The following PABPC4L variants were observed in gnomAD, a reference collection of about 807,000 sequenced individuals.
PABPC4L encodes the protein polyadenylate-binding protein 4-like.
For missense variants in PABPC4L, 452 were observed against 451.4 expected, an observed-to-expected ratio of 1.00 and a Z score of -0.01; for synonymous variants, 169 against 164.1, an observed-to-expected ratio of 1.03 and a Z score of -0.23.
the PABPC4L span, among the ~76,000 whole-genome samples, chr4:134,156,893 A>T: frequency 6.6e-6 from 1 of 151,926 alleles, no homozygotes; most frequent in South Asian, 2.1e-4. Flanking sequence ...TGGTCCACTA[A>T]TGTAAAACAG....
the PABPC4L span, among the ~76,000 whole-genome samples, chr4:133,986,431 AG>A: frequency 6.6e-6 from 1 of 152,118 alleles, no homozygotes; most frequent in Non-Finnish European, 1.5e-5. Context: ...TTTGGAATTC[AG>A]GACATAAAAA....
the PABPC4L span, among the ~76,000 whole-genome samples, chr4:134,043,881 C>T: frequency 2.6e-5 from 4 of 151,534 alleles, no homozygotes; most frequent in African/African-American, 9.7e-5. Context: ...ATTGATAGTT[C>T]TACCCATATA....
At chr4:134,012,978 G>A in the PABPC4L span, among the ~76,000 whole-genome samples, 1 of 152,082 alleles carries the variant, frequency 6.6e-6, no homozygotes, top group Non-Finnish European at 1.5e-5. Context: ...TTCTCTTGGT[G>A]TTTAATCATT....
At chr4:134,015,026 C>A in the PABPC4L span, among the ~76,000 whole-genome samples, 1 of 152,160 alleles carries the variant, frequency 6.6e-6, no homozygotes, top group South Asian at 2.1e-4. Context: ...GCCTCCTTTG[C>A]ATCCTCCTCT....
chr4:134,043,175 T>C, the PABPC4L span, among the ~76,000 whole-genome samples: 1 of 112,530 alleles, frequency 8.9e-6, no homozygotes, highest in Admixed American at 8.2e-5. Context: ...ACACACCATA[T>C]ACAGCACAAT....
chr4:134,159,859 T>C, the PABPC4L span, among the ~76,000 whole-genome samples: 1 of 152,122 alleles, frequency 6.6e-6, no homozygotes, highest in Admixed American at 6.6e-5. Flanking sequence ...GATGAGCAGC[T>C]CACAGGCAGC....
At chr4:134,042,089 A>G in the PABPC4L span, among the ~76,000 whole-genome samples, 1 of 152,200 alleles carries the variant, frequency 6.6e-6, no homozygotes, top group Non-Finnish European at 1.5e-5. Context: ...ATATAATGAA[A>G]TATTACTGAG....
At chr4:134,040,213 A>T in the PABPC4L span, among the ~76,000 whole-genome samples, 2 of 151,474 alleles carry the variant, frequency 1.3e-5, no homozygotes, top group Admixed American at 1.3e-4. Context: ...TGGAAAAAAA[A>T]AAAAAAAAAC....
At chr4:134,147,591 G>T in the PABPC4L span, among the ~76,000 whole-genome samples, 5 of 151,980 alleles carry the variant, frequency 3.3e-5, no homozygotes, top group Admixed American at 3.3e-4. Context: ...TGAACTAAAA[G>T]AAAGACAAGT....
chr4:134,000,919 G>A, the PABPC4L span, among the ~76,000 whole-genome samples: 1 of 152,052 alleles, frequency 6.6e-6, no homozygotes, highest in Non-Finnish European at 1.5e-5. Context: ...CTTTCTGATG[G>A]CAGATTTTGA....
At chr4:134,071,953 T>G in the PABPC4L span, among the ~76,000 whole-genome samples, 1 of 152,246 alleles carries the variant, frequency 6.6e-6, no homozygotes. Flanking sequence ...GTTGTATAGA[T>G]AAGAATGTTG....
chr4:134,051,906 T>C, the PABPC4L span, among the ~76,000 whole-genome samples: 4 of 152,102 alleles, frequency 2.6e-5, no homozygotes, highest in Admixed American at 2.0e-4. Context: ...ACTGAGCCAA[T>C]AAAAATAGGT....
chr4:133,965,321 G>A, the PABPC4L span, among the ~76,000 whole-genome samples: 1 of 152,020 alleles, frequency 6.6e-6, no homozygotes, highest in African/African-American at 2.4e-5. Flanking sequence ...AATGAGAGAT[G>A]ACACAAACAA....
chr4:134,167,711 T>C, the PABPC4L span, among the ~76,000 whole-genome samples: 1 of 151,658 alleles, frequency 6.6e-6, no homozygotes. Flanking sequence ...TATATAATAA[T>C]AAAGGGGTCA....
chr4:133,971,821 C>T, the PABPC4L span, among the ~76,000 whole-genome samples: 1 of 152,142 alleles, frequency 6.6e-6, no homozygotes, highest in Non-Finnish European at 1.5e-5. Flanking sequence ...CATGTTGCAA[C>T]CTTAGATCCC....
At chr4:134,040,014 G>C in the PABPC4L span, among the ~76,000 whole-genome samples, 9 of 152,108 alleles carry the variant, frequency 5.9e-5, no homozygotes, top group East Asian at 1.7e-3. Context: ...TACAAGGGAT[G>C]TGAAGGGCCT....
chr4:134,104,107 C>A, the PABPC4L span, among the ~76,000 whole-genome samples: 1 of 151,706 alleles, frequency 6.6e-6, no homozygotes, highest in Non-Finnish European at 1.5e-5. Flanking sequence ...TTTATGAATT[C>A]TGATTCTAGT....
chr4:134,171,264 T>A, the PABPC4L span, among the ~76,000 whole-genome samples: 1 of 152,060 alleles, frequency 6.6e-6, no homozygotes, highest in African/African-American at 2.4e-5. Context: ...TACAGGTGCA[T>A]GCCATCACAC....
chr4:133,988,733 T>C, the PABPC4L span, among the ~76,000 whole-genome samples: 1 of 152,106 alleles, frequency 6.6e-6, no homozygotes, highest in Non-Finnish European at 1.5e-5. Context: ...TCTCACAACT[T>C]CACTATGCAG....
Sources: gnomAD v4.1 joint callset for allele counts (sites outside exome capture counted in the v4.1 genomes callset) on GRCh38, gnomAD v4.1.1 for gene constraint, MANE v1.5 for transcripts, NCBI Gene and HGNC (gene_info 2026-07-23, HGNC 2026-07-21) for gene names.